NBPF12: variants seen among roughly 807,000 people sequenced by gnomAD.
NBPF12 encodes NBPF member 12, also known as NBPF family member NBPF12.
A neutral mutation model predicts 146.4 loss-of-function variants in NBPF12; 115 were observed. That is an observed-to-expected ratio of 0.79 (90% CI 0.68 to 0.92). The LOEUF (loss-of-function observed/expected upper bound fraction) is 0.92, where lower values mean the gene tolerates loss of function less well. Among genes scored for constraint, NBPF12 ranks in the 40% least tolerant of loss-of-function variants. The pLI, the probability that NBPF12 is intolerant of heterozygous loss-of-function variation, is 0.00. For missense variants in NBPF12, 1,205 were observed against 1,326.8 expected, an observed-to-expected ratio of 0.91 and a Z score of 1.43; for synonymous variants, 385 against 508.9, an observed-to-expected ratio of 0.76 and a Z score of 3.28.
At chr1:146,980,096 G>C (rs1192262673) in intron 19 of NBPF12, among the ~76,000 whole-genome samples, 1 of 151,002 alleles carries the variant, frequency 6.6e-6, no homozygotes, top group Non-Finnish European at 1.5e-5. Context: ...TTTGATATTT[G>C]TTGGTTTAAA....
At chr1:146,965,811 A>G (rs1489761692) in intron 8 of NBPF12, among the ~76,000 whole-genome samples, 1 of 144,760 alleles carries the variant, frequency 6.9e-6, no homozygotes, top group Admixed American at 6.9e-5. Context: ...AAAAAAAAAA[A>G]AAAAAAAAAG....
chr1:146,976,375 A>T (rs1363960406), intron 16 of NBPF12, among the ~76,000 whole-genome samples: 1 of 136,938 alleles, frequency 7.3e-6, no homozygotes, highest in Non-Finnish European at 1.5e-5. Flanking sequence ...TTCCAAAATG[A>T]GATGAAGCCC....
chr1:146,964,635 T>C (rs1330250772), intron 7 of NBPF12, among the ~76,000 whole-genome samples: 2 of 151,934 alleles, frequency 1.3e-5, no homozygotes, highest in Non-Finnish European at 2.9e-5. Flanking sequence ...CATACAGGGA[T>C]AGCTGAGTCT....
intron 2 of NBPF12, among the ~76,000 whole-genome samples, chr1:146,952,228 G>GC (rs1655355267): frequency 6.6e-6 from 1 of 152,080 alleles, no homozygotes; most frequent in Non-Finnish European, 1.5e-5. Flanking sequence ...GAAGCATCTT[G>GC]CAGAAGCAAA....
upstream of NBPF12, among the ~76,000 whole-genome samples, chr1:146,948,852 C>A (rs1373699426): frequency 6.6e-6 from 1 of 150,952 alleles, no homozygotes; most frequent in African/African-American, 2.5e-5. Context: ...GTGTAAAGCC[C>A]GATTGTATAT....
intron 18 of NBPF12, among the ~76,000 whole-genome samples, chr1:146,978,012 A>C (rs1657154729): frequency 6.6e-6 from 1 of 151,886 alleles, no homozygotes; most frequent in Non-Finnish European, 1.5e-5. Context: ...TGGAGTTTCT[A>C]TGCCTGTTTA....
intron 2 of NBPF12, 73 bp downstream of exon 5, chr1:146,951,562 T>C: frequency 2.0e-6 from 1 of 511,320 alleles, no homozygotes; most frequent in South Asian, 2.1e-5. Context: ...ATGTGTCCTT[T>C]ATTTTTCTCT....
intron 18 of NBPF12, among the ~76,000 whole-genome samples, chr1:146,978,072 T>C (rs1372792914): frequency 6.6e-6 from 1 of 151,626 alleles, no homozygotes; most frequent in African/African-American, 2.4e-5. Context: ...TTCCCCAGGC[T>C]TCACTGCTCT....
At chr1:146,992,610 A>T (rs1658273653) in intron 31 of NBPF12, 102 bp from the exon 35 acceptor site, 3 of 725,534 alleles carry the variant, frequency 4.1e-6, no homozygotes, top group Non-Finnish European at 5.0e-6. Flanking sequence ...CTATCCTTTT[A>T]CTTTTTTTAA....
upstream of NBPF12, among the ~76,000 whole-genome samples, chr1:146,948,166 A>G (rs1350602381): frequency 2.6e-5 from 4 of 151,962 alleles, no homozygotes; most frequent in East Asian, 7.8e-4. Flanking sequence ...GCCTGCTACC[A>G]CACCTGGCTA....
chr1:146,960,388 G>C, intron 4 of NBPF12, 70 bp downstream of exon 7: 1 of 1,068,956 alleles, frequency 9.4e-7, no homozygotes, highest in Non-Finnish European at 1.4e-6. Context: ...GACACTAAAT[G>C]CTCTCTCCAT....
intron 6 of NBPF12, among the ~76,000 whole-genome samples, chr1:146,963,714 A>C (rs1454594802): frequency 6.6e-6 from 1 of 150,984 alleles, no homozygotes; most frequent in Non-Finnish European, 1.5e-5. Context: ...CTCTCTCTCC[A>C]TCTGCAAAGG....
At chr1:146,961,897 C>G (rs1655874234) in intron 4 of NBPF12, among the ~76,000 whole-genome samples, 1 of 152,120 alleles carries the variant, frequency 6.6e-6, no homozygotes, top group Non-Finnish European at 1.5e-5. Context: ...GCTGTGAGTT[C>G]TGACTCCACT....
Position 146,972,979 on chromosome 1 carries a change from C to G in NBPF12, c.1801+19C>G. On this transcript the variant is annotated intron_variant, in intron 14 of 33. Coordinates refer to ENST00000617844, the Ensembl canonical transcript of NBPF12. ...AAATACAGTAAGATCTATATGCTCA[C>G]CATCATGAAAGTGATGAACGAAGTC... 1 of 917,676 alleles carries G rather than the reference C, an allele frequency of 1.1e-6. No individual in the cohort carries two copies. The highest frequency in any genetic ancestry group is 1.8e-6 in the Non-Finnish European group (1 of 545,782). 56.8% of individuals were successfully genotyped at this position (917,676 alleles called of 1,614,324 possible).
chr1:146,992,791 A>T (rs2101936364), exon 32 of NBPF12: 1 of 686,852 alleles, frequency 1.5e-6, no homozygotes, highest in Non-Finnish European at 2.6e-6. Context: ...AACTCCTTCC[A>T]GTTGTCTTGA....
At chr1:146,940,635 TG>T in intron 1 of NBPF12, among the ~76,000 whole-genome samples, 1 of 151,856 alleles carries the variant, frequency 6.6e-6, no homozygotes, top group Non-Finnish European at 1.5e-5. Flanking sequence ...ATTACTATAT[TG>T]GGGTATATAT....
At chr1:146,972,717 T>G (rs1656735700) in intron 13 of NBPF12, 34 bp from the exon 17 acceptor site, 3 of 1,380,856 alleles carry the variant, frequency 2.2e-6, no homozygotes, top group African/African-American at 1.4e-5. Flanking sequence ...CATCAGTTTT[T>G]AACCCATCAT....
chr1:146,939,624 G>A (rs1408652771), intron 1 of NBPF12, among the ~76,000 whole-genome samples: 1 of 151,962 alleles, frequency 6.6e-6, no homozygotes, highest in Non-Finnish European at 1.5e-5. Flanking sequence ...CTTTCTTTGA[G>A]ACTTCTTAGA....
intron 6 of NBPF12, among the ~76,000 whole-genome samples, chr1:146,963,945 A>G (rs1252068104): frequency 9.6e-5 from 13 of 135,574 alleles, no homozygotes; most frequent in Admixed American, 1.5e-4. Flanking sequence ...GTGCAGTCTC[A>G]TGACGAATAG....
Sources: gnomAD v4.1 joint callset for allele counts (sites outside exome capture counted in the v4.1 genomes callset) on GRCh38, gnomAD v4.1.1 for gene constraint, MANE v1.5 for transcripts, NCBI Gene and HGNC (gene_info 2026-07-23, HGNC 2026-07-21) for gene names.